The following HSPA4L variants were observed in gnomAD, a reference collection of about 807,000 sequenced individuals.
The protein encoded by HSPA4L is heat shock 70 kDa protein 4L.
In HSPA4L, 48 loss-of-function variants were observed where a neutral mutation model predicts 100.3. The ratio of observed to expected loss-of-function variants is 0.48; its 90% CI spans 0.38 to 0.61. HSPA4L has a LOEUF of 0.61. HSPA4L is among the 20% of genes least tolerant of loss of function. The pLI is 0.00. For synonymous variants in HSPA4L, 319 were observed against 328.2 expected (o/e 0.97, Z 0.30); for missense variants, 886 against 988.6 (o/e 0.90, Z 1.39).
At position 127,837,586 on chromosome 4, in the gene HSPA4L, C is replaced by G. The variant is rs987739119; in HGVS notation, c.*4712C>G. On this transcript the variant is annotated 3_prime_UTR_variant, in exon 19 of 19. Transcript: ENST00000296464. ...AGATACTTTTTATCAAAAAAGATGG[C>G]AGGTTTAACATTATACCTTTTGGTT... 6.6e-6 allele frequency: 1 copy of G among 152,106 alleles called. No individual in the cohort carries two copies. Among genetic ancestry groups the G allele is most frequent in the African/African-American group, 2.4e-5 (1 of 41,408 alleles). The allele number at this position is 152,106 out of a possible 1,614,324, so 9.4% of individuals were successfully genotyped here.
rs1011476715 is a variant in HSPA4L at position 127,835,552 on chromosome 4, AAGT to A, written c.*2681_*2683del. ...CCCTGTCTCTACTAAAAATACAAAA[AAGT>A]AGCCGGGCGTGGTGGCATGTCCCTG... On this transcript the variant is annotated 3_prime_UTR_variant, in exon 19 of 19. Transcript: ENST00000296464. 5.3e-5 allele frequency: 8 copies of A among 151,706 alleles called. No individual in the cohort carries two copies. The highest frequency in any genetic ancestry group is 2.1e-4 in the South Asian group (1 of 4,792). The allele number at this position is 151,706 out of a possible 1,614,324, so 9.4% of individuals were successfully genotyped here. A position where few individuals can be genotyped will look rare whatever the true frequency, so the allele number is the denominator to read the frequency against.
rs1734256604 is a variant in HSPA4L at position 127,838,186 on chromosome 4, A to C, written c.*5312A>C. Reference sequence around the variant, plus strand: ...CAGATGTCATTACAATTTTTTTTCTAAATTCAAAGGTAATTATTCTAAACA... The same window carrying C: ...CAGATGTCATTACAATTTTTTTTCTCAATTCAAAGGTAATTATTCTAAACA... On this transcript the variant is annotated 3_prime_UTR_variant, in exon 19 of 19. Coordinates refer to ENST00000296464, the MANE Select transcript of HSPA4L (RefSeq NM_014278.4). 6.6e-6 allele frequency: 1 copy of C among 152,098 alleles called. No homozygotes were observed. The highest frequency in any genetic ancestry group is 1.5e-5 in the Non-Finnish European group (1 of 68,000). The allele number at this position is 152,098 out of a possible 1,614,324, so 9.4% of individuals were successfully genotyped here.
intron 12 of HSPA4L, among the ~76,000 whole-genome samples, chr4:127,816,629 T>C (rs1733677002): frequency 6.6e-6 from 1 of 152,156 alleles, no homozygotes; most frequent in African/African-American, 2.4e-5. Flanking sequence ...GTCATAAGTC[T>C]TGTAGAATAG....
rs1393038459 is a variant in HSPA4L at position 127,813,277 on chromosome 4, CTTT to C, written c.1578+1646_1578+1648del. 4 of 737,056 alleles carry C rather than the reference CTTT, an allele frequency of 5.4e-6. No homozygotes were observed. In the African/African-American group the frequency reaches 7.1e-5, roughly 13 times the overall value. The allele number at this position is 737,056 out of a possible 1,614,324, so 45.7% of individuals were successfully genotyped here. A position where few individuals can be genotyped will look rare whatever the true frequency, so the allele number is the denominator to read the frequency against. The stretch of plus-strand genomic sequence containing the variant: ...TATTCTATTTTAAGACAGTTTCTCC[CTTT>C]TTTTAAGGTTGCTTTTTGTTTTTAT... On this transcript the variant is annotated intron_variant, in intron 12 of 18. Coordinates refer to ENST00000296464, the MANE Select transcript of HSPA4L (RefSeq NM_014278.4).
chr4:127,801,944 T>C, intron 6 of HSPA4L, 26 bp downstream of exon 6: 2 of 1,559,946 alleles, frequency 1.3e-6, no homozygotes, highest in Non-Finnish European at 1.7e-6. Flanking sequence ...GTTTGTTATA[T>C]TTACATATGT....
At chr4:127,784,273 T>TA (rs1202712944) in intron 1 of HSPA4L, among the ~76,000 whole-genome samples, 1 of 152,212 alleles carries the variant, frequency 6.6e-6, no homozygotes, top group Non-Finnish European at 1.5e-5. Context: ...AGCCATATCC[T>TA]AAAAGATCAG....
upstream of HSPA4L, chr4:127,782,082 G>A (rs938411605): frequency 2.2e-6 from 1 of 455,192 alleles, no homozygotes; most frequent in African/African-American, 2.0e-5. Flanking sequence ...TCCTTTCCCC[G>A]ATCCTCCCCG....
At chr4:127,824,528 T>C (rs1578721108) in intron 16 of HSPA4L, among the ~76,000 whole-genome samples, 2 of 152,318 alleles carry the variant, frequency 1.3e-5, no homozygotes, top group South Asian at 4.1e-4. Context: ...TAAATGTTTA[T>C]AGATGATCAG....
At position 127,820,503 on chromosome 4, in the gene HSPA4L, A is replaced by G. The variant is rs1183757115; in HGVS notation, c.1750A>G (p.Ile584Val). The G allele has an allele frequency of 1.1e-5, 18 of 1,603,422 alleles. No homozygotes were observed. In the South Asian group the frequency reaches 1.9e-4, roughly 17 times the overall value. Reference sequence around the variant, plus strand: ...AAAAGTCAAAAGTATTGATCTACCGATCCAGAGTAGCCTATGTAGACAACT... The same window carrying G: ...AAAAGTCAAAAGTATTGATCTACCGGTCCAGAGTAGCCTATGTAGACAACT... The part of the protein sequence containing the change: ...KGKVKSIDLP[I>V]QSSLCRQLGQ... The change falls in exon 14 of 19, where the codon ATC becomes GTC. Residue 584 changes from isoleucine (I) to valine (V), a missense_variant. Ile to Val is a conservative substitution (Grantham distance 29). Transcript: ENST00000296464.
At chr4:127,810,980 G>T (rs1733510895) in intron 11 of HSPA4L, among the ~76,000 whole-genome samples, 1 of 151,996 alleles carries the variant, frequency 6.6e-6, no homozygotes, top group Non-Finnish European at 1.5e-5. Flanking sequence ...CAGGTATTTT[G>T]CTATAGGAAA....
chr4:127,784,631 T>G (rs1477256371), intron 1 of HSPA4L, among the ~76,000 whole-genome samples: 2 of 152,254 alleles, frequency 1.3e-5, no homozygotes. Flanking sequence ...CACTGTCACT[T>G]ACCTCAGAAG....
Position 127,820,424 on chromosome 4 carries a change from G to T in HSPA4L, c.1675-4G>T. 1 of 1,568,296 alleles carries T rather than the reference G, an allele frequency of 6.4e-7. No individual in the cohort carries two copies. Among genetic ancestry groups the T allele is most frequent in the Non-Finnish European group, 8.6e-7 (1 of 1,164,098 alleles). On this transcript the variant is annotated splice_region_variant and splice_polypyrimidine_tract_variant and intron_variant, in intron 13 of 18. Transcript: ENST00000296464. The stretch of plus-strand genomic sequence containing the variant: ...AAATTTATACTTCTCTTTCGGATTT[G>T]CAGTCAGCTGTCTCAGACAAACAAG...
intron 1 of HSPA4L, among the ~76,000 whole-genome samples, chr4:127,785,907 A>G (rs376527016): frequency 1.3e-5 from 2 of 152,250 alleles, no homozygotes; most frequent in East Asian, 1.9e-4. Flanking sequence ...TGATCCTTCA[A>G]GTAAATTCCT....
chr4:127,812,865 A>G, intron 12 of HSPA4L: 2 of 979,594 alleles, frequency 2.0e-6, no homozygotes, highest in East Asian at 2.5e-5. Flanking sequence ...TTTTCTGATC[A>G]TTTTCCTTCA....
rs1733848501 is a variant in HSPA4L, at chr4:127,822,842, A to G, written c.1886A>G (p.Tyr629Cys). 1 of 1,613,594 alleles carries G rather than the reference A, an allele frequency of 6.2e-7. No homozygotes were observed. The highest frequency in any genetic ancestry group is 8.5e-7 in the Non-Finnish European group (1 of 1,179,694). Residue 629 changes from tyrosine to cysteine, a missense_variant, in exon 15 of 19, where the codon TAT becomes TGT. By Grantham distance (194) the Tyr-to-Cys change is radical. Transcript: ENST00000296464. ...AAGAATGCCGTTGAAGAATATGTATATGATTTTAGAGACAGGCTGGGCACT... is the reference window on the plus strand; with the variant it reads ...AAGAATGCCGTTGAAGAATATGTATGTGATTTTAGAGACAGGCTGGGCACT... ...DAKNAVEEYV[Y>C]DFRDRLGTVY...
rs147629226 is a variant in HSPA4L, at chr4:127,822,718, A to G, written c.1813-51A>G. 1.8e-5 allele frequency: 29 copies of G among 1,577,308 alleles called. No homozygotes were observed. The East Asian group carries it at 2.9e-4, about 16-fold the overall frequency. ...GTGGTATCTTGTGGTTTTGATTTCT[A>G]TTTCCCTAATGCATATTCTTATGGC... On this transcript the variant is annotated intron_variant, in intron 14 of 18. Coordinates refer to ENST00000296464, the MANE Select transcript of HSPA4L (RefSeq NM_014278.4).
At chr4:127,812,656 T>C in intron 12 of HSPA4L, 1 of 672,204 alleles carries the variant, frequency 1.5e-6, no homozygotes, top group Non-Finnish European at 2.6e-6. Context: ...TTGTTTGTTT[T>C]TGTTTTGTTT....
At position 127,795,962 on chromosome 4, in the gene HSPA4L, A is replaced by G. The variant is rs944036112; in HGVS notation, c.306+54A>G. On this transcript the variant is annotated intron_variant, in intron 3 of 18. Transcript: ENST00000296464. ...CATATCTTCAAATTAAGTAAACCCAATGTGATAATATTGCTATTTGTAGTT... is the reference window on the plus strand; with the variant it reads ...CATATCTTCAAATTAAGTAAACCCAGTGTGATAATATTGCTATTTGTAGTT... 3.9e-6 allele frequency: 6 copies of G among 1,548,828 alleles called. No individual in the cohort carries two copies. In the African/African-American group the frequency reaches 5.5e-5, roughly 14 times the overall value.
intron 1 of HSPA4L, among the ~76,000 whole-genome samples, chr4:127,791,737 C>T (rs530522334): frequency 1.3e-5 from 2 of 152,282 alleles, no homozygotes; most frequent in East Asian, 3.9e-4. Context: ...CACTTTTATC[C>T]CATCATCATT....
Sources: allele counts gnomAD v4.1 joint callset (sites outside exome capture counted in the v4.1 genomes callset), GRCh38; gene constraint gnomAD v4.1.1; transcripts MANE v1.5; gene names NCBI Gene and HGNC (gene_info 2026-07-23, HGNC 2026-07-21).